STAG1: variants seen among roughly 807,000 people sequenced by gnomAD.
STAG1 encodes STAG1 cohesin complex component, also known as cohesin subunit SA-1.
In STAG1, 26 loss-of-function variants were observed where a neutral mutation model predicts 170.9. That is an observed-to-expected ratio of 0.15 (90% CI 0.11 to 0.21). STAG1 has a LOEUF of 0.21. Among genes scored for constraint, STAG1 ranks in the 10% least tolerant of loss-of-function variants. The probability of loss-of-function intolerance (pLI) is 1.00; values close to 1 mark genes in which losing one functional copy is unlikely to be tolerated. For synonymous variants in STAG1, 514 were observed against 497.7 expected, an observed-to-expected ratio of 1.03 and a Z score of -0.44; for missense variants, 964 against 1,509.5, an observed-to-expected ratio of 0.64 and a Z score of 5.99.
intron 7 of STAG1, among the ~76,000 whole-genome samples, chr3:136,511,193 G>C (rs576600903): frequency 6.6e-6 from 1 of 152,308 alleles, no homozygotes; most frequent in East Asian, 1.9e-4. Context: ...TAAGTTTCCT[G>C]AGGCTTCCCT....
chr3:136,368,501 T>A (rs1290714987), intron 24 of STAG1, among the ~76,000 whole-genome samples: 3 of 151,734 alleles, frequency 2.0e-5, no homozygotes, highest in Non-Finnish European at 4.4e-5. Context: ...TACTTTCTTT[T>A]AGAAAAATTA....
intron 15 of STAG1, among the ~76,000 whole-genome samples, chr3:136,437,815 T>A (rs894171767): frequency 2.6e-5 from 4 of 152,054 alleles, no homozygotes; most frequent in Admixed American, 6.6e-5. Flanking sequence ...TCATCCCCTA[T>A]CCACAATCTT....
At chr3:136,587,116 T>C (rs1442186620) in intron 4 of STAG1, among the ~76,000 whole-genome samples, 1 of 152,154 alleles carries the variant, frequency 6.6e-6, no homozygotes, top group Non-Finnish European at 1.5e-5. Context: ...CTAGACTCAT[T>C]TAAGACACGT....
At chr3:136,426,266 T>C (rs56251259) in intron 16 of STAG1, among the ~76,000 whole-genome samples, 54,980 of 151,728 alleles carry the variant, frequency 0.36, 10,978 homozygotes, top group African/African-American at 0.52. Flanking sequence ...AAAAATTAGC[T>C]GCGTGAGGTG....
intron 5 of STAG1, among the ~76,000 whole-genome samples, chr3:136,560,960 G>T (rs1936815515): frequency 6.6e-6 from 1 of 151,086 alleles, no homozygotes; most frequent in African/African-American, 2.4e-5. Flanking sequence ...TTTTTTTCCT[G>T]CCTTTCCTTG....
chr3:136,656,856 C>T (rs1941395292), intron 1 of STAG1, among the ~76,000 whole-genome samples: 1 of 152,066 alleles, frequency 6.6e-6, no homozygotes, highest in African/African-American at 2.4e-5. Flanking sequence ...CAGAAAGCAT[C>T]TAATATTAAT....
intron 11 of STAG1, 35 bp downstream of exon 11, chr3:136,473,503 GA>G: frequency 6.7e-7 from 1 of 1,486,220 alleles, no homozygotes; most frequent in Non-Finnish European, 9.3e-7. Context: ...TTTGTAAAGA[GA>G]AAAATTAAAT....
At chr3:136,463,342 T>C (rs965444923) in intron 13 of STAG1, among the ~76,000 whole-genome samples, 12 of 152,178 alleles carry the variant, frequency 7.9e-5, no homozygotes, top group African/African-American at 2.7e-4. Context: ...TGAATGCAGA[T>C]ACTGGAGAGA....
intron 5 of STAG1, among the ~76,000 whole-genome samples, chr3:136,554,811 T>C (rs1936542423): frequency 6.6e-6 from 1 of 152,014 alleles, no homozygotes; most frequent in African/African-American, 2.4e-5. Context: ...GGGAGGATCA[T>C]TTCTGCCCAG....
intron 6 of STAG1, among the ~76,000 whole-genome samples, chr3:136,528,502 C>CCCCCA (rs1553740671): frequency 6.9e-6 from 1 of 144,324 alleles, no homozygotes; most frequent in African/African-American, 2.7e-5. Flanking sequence ...GCACCCCCCC[C>CCCCCA]CCCAAAAAAT....
chr3:136,410,917 CGG>C (rs2087607971), intron 21 of STAG1, among the ~76,000 whole-genome samples: 1 of 152,044 alleles, frequency 6.6e-6, no homozygotes, highest in African/African-American at 2.4e-5. Flanking sequence ...TAGCTGGGCA[CGG>C]TGGCATATGC....
At chr3:136,392,093 G>A (rs1370416198) in intron 22 of STAG1, among the ~76,000 whole-genome samples, 1 of 152,042 alleles carries the variant, frequency 6.6e-6, no homozygotes, top group African/African-American at 2.4e-5. Flanking sequence ...TTTTAGAAAA[G>A]TACTCTTTAA....
intron 21 of STAG1, among the ~76,000 whole-genome samples, chr3:136,403,457 A>T (rs1306191038): frequency 6.6e-6 from 1 of 151,972 alleles, no homozygotes; most frequent in East Asian, 1.9e-4. Context: ...TAAAAAAATT[A>T]CCCTAATACA....
Position 136,422,625 on chromosome 3 carries a change from A to G in STAG1, c.1834-12T>C, listed in dbSNP as rs1225457310. The G allele has an allele frequency of 1.3e-6, 2 of 1,598,366 alleles. No homozygotes were observed. The highest frequency in any genetic ancestry group is 2.2e-5 in the East Asian group (1 of 44,788). ...AAAGCATCCAGATGCTGAGGAGACA[A>G]AAAAAGAAAAACTGTAATATTTAGG... On this transcript the variant is annotated splice_polypyrimidine_tract_variant and intron_variant, in intron 18 of 33. Transcript: ENST00000383202.
chr3:136,551,165 CT>C lies in STAG1; in HGVS notation c.395-8971del, dbSNP rs750035148. Among the ~76,000 whole-genome samples the C allele has an allele frequency of 9.6e-3, 756 of 79,090 alleles. 5 individuals are homozygous for C. Among genetic ancestry groups the C allele is most frequent in the Middle Eastern group, 0.04 (5 of 124 alleles). 51.9% of individuals were successfully genotyped at this position (79,090 alleles called of 152,430 possible). On this transcript the variant is annotated intron_variant, in intron 5 of 33. Coordinates refer to ENST00000383202, the MANE Select transcript of STAG1 (RefSeq NM_005862.3). ...GTATCTACATAAATTTTTTTAACTC[CT>C]TTTTTTTTTTTTTTGAGAGAGAGAG...
At position 136,417,882 on chromosome 3, in the gene STAG1, T is replaced by C. The variant is rs756140917; in HGVS notation, c.2196+3A>G. On this transcript the variant is annotated splice_donor_region_variant and intron_variant, in intron 21 of 33. Transcript: ENST00000383202. ...TACAGAAGGAATACCAATAAACTCC[T>C]ACCTGTTCTGGCATGGCTCCATGTT... The C allele has an allele frequency of 2.5e-6, 4 of 1,610,612 alleles. No individual in the cohort carries two copies. The highest frequency in any genetic ancestry group is 2.2e-5 in the East Asian group (1 of 44,842).
intron 3 of STAG1, among the ~76,000 whole-genome samples, chr3:136,622,381 G>C (rs1282890178): frequency 6.6e-6 from 1 of 151,880 alleles, no homozygotes; most frequent in Non-Finnish European, 1.5e-5. Context: ...TTTACAGATG[G>C]AATGATGTCT....
At chr3:136,373,055 CT>C (rs1937433422) in intron 23 of STAG1, among the ~76,000 whole-genome samples, 2 of 152,156 alleles carry the variant, frequency 1.3e-5, no homozygotes, top group Non-Finnish European at 2.9e-5. Context: ...AGAGATTCAA[CT>C]TCTTCTTGGT....
At chr3:136,430,054 C>T (rs1027135128) in intron 16 of STAG1, 5 of 152,162 alleles carry the variant, frequency 3.3e-5, no homozygotes, top group African/African-American at 1.2e-4. Context: ...TCAAAAGTTA[C>T]ACGTGAATTT....
Sources: allele counts gnomAD v4.1 joint callset (sites outside exome capture counted in the v4.1 genomes callset), GRCh38; gene constraint gnomAD v4.1.1; transcripts MANE v1.5; gene names NCBI Gene and HGNC (gene_info 2026-07-23, HGNC 2026-07-21).